The following NBEA variants were observed in gnomAD, a reference collection of about 807,000 sequenced individuals.
NBEA encodes neurobeachin, also known as lysosomal-trafficking regulator 2.
Under a neutral mutation model 343.4 loss-of-function variants are expected in NBEA, and 44 were observed. The ratio of observed to expected loss-of-function variants is 0.13; its 90% confidence interval spans 0.10 to 0.16. NBEA has a LOEUF of 0.16. NBEA is among the 10% of genes least tolerant of loss of function. The pLI is 1.00. For synonymous variants in NBEA, 1,175 were observed against 1,238.7 expected (o/e 0.95, Z 1.08); for missense variants, 2,555 against 3,631.3 (o/e 0.70, Z 7.62).
At chr13:35,344,513 T>G (rs2039764228) in intron 36 of NBEA, among the ~76,000 whole-genome samples, 2 of 151,938 alleles carry the variant, frequency 1.3e-5, no homozygotes, top group South Asian at 4.1e-4. Context: ...GAGCAAACTC[T>G]TCTAAGATTG....
In NBEA at chr13:35,608,467, T is replaced by C. The variant is rs114564755; in HGVS notation, c.7449+1889T>C. On this transcript the variant is annotated intron_variant, in intron 48 of 58. Transcript: ENST00000379939. The stretch of plus-strand genomic sequence containing the variant: ...TTATCTGTAAATATCAGTGTAAGGA[T>C]ACCAGCGCTACAAATGGAACCCTAA... Among the ~76,000 whole-genome samples the C allele has an allele frequency of 3.8e-3, 580 of 152,294 alleles. 1 individual carries two copies. The highest frequency in any genetic ancestry group is 0.013 in the African/African-American group (547 of 41,552).
intron 30 of NBEA, among the ~76,000 whole-genome samples, chr13:35,192,524 C>A (rs1593686783): frequency 6.6e-6 from 1 of 151,984 alleles, no homozygotes; most frequent in East Asian, 1.9e-4. Context: ...ATTCTTTTAT[C>A]AGCCTCAATA....
intron 41 of NBEA, among the ~76,000 whole-genome samples, chr13:35,548,510 C>T (rs2079166513): frequency 6.6e-6 from 1 of 152,094 alleles, no homozygotes; most frequent in Admixed American, 6.5e-5. Context: ...TGACATAATG[C>T]TATGGGTATA....
intron 11 of NBEA, among the ~76,000 whole-genome samples, chr13:35,105,385 C>T (rs1037957456): frequency 5.3e-5 from 8 of 151,934 alleles, no homozygotes; most frequent in African/African-American, 1.9e-4. Context: ...GCTGGGTTAT[C>T]TAAGTCTCAA....
chr13:35,039,598 A>G (rs1203764343), intron 1 of NBEA, among the ~76,000 whole-genome samples: 1 of 152,174 alleles, frequency 6.6e-6, no homozygotes, highest in African/African-American at 2.4e-5. Context: ...ATGATTCCTT[A>G]TCTGTAAAAT....
chr13:35,619,468 G>A (rs1440655908), intron 48 of NBEA, among the ~76,000 whole-genome samples: 2 of 152,086 alleles, frequency 1.3e-5, no homozygotes, highest in African/African-American at 4.8e-5. Context: ...CAAAAAACCT[G>A]CTGTTTATAT....
intron 22 of NBEA, among the ~76,000 whole-genome samples, chr13:35,160,797 G>T (rs542971535): frequency 2.6e-4 from 39 of 152,130 alleles, no homozygotes; most frequent in Non-Finnish European, 5.1e-4. Context: ...TGAGCTCTGA[G>T]TTATGACTGT....
At chr13:35,523,868 C>T (rs899937391) in intron 41 of NBEA, among the ~76,000 whole-genome samples, 1 of 151,828 alleles carries the variant, frequency 6.6e-6, no homozygotes, top group African/African-American at 2.4e-5. Flanking sequence ...CTATATTTCC[C>T]TCTGCTTTTT....
At chr13:35,112,217 C>A (rs1478055334) in intron 13 of NBEA, among the ~76,000 whole-genome samples, 3 of 152,040 alleles carry the variant, frequency 2.0e-5, no homozygotes, top group East Asian at 3.9e-4. Context: ...ACTTTTATTT[C>A]TTTTTATTAA....
intron 46 of NBEA, among the ~76,000 whole-genome samples, chr13:35,591,333 G>A (rs2081530439): frequency 6.6e-6 from 1 of 151,778 alleles, no homozygotes; most frequent in Non-Finnish European, 1.5e-5. Flanking sequence ...ATATAATTTA[G>A]TGACAGATAT....
At chr13:35,614,855 T>C (rs2082666748) in intron 48 of NBEA, among the ~76,000 whole-genome samples, 1 of 152,102 alleles carries the variant, frequency 6.6e-6, no homozygotes, top group Non-Finnish European at 1.5e-5. Context: ...ATGGATACCC[T>C]AATCTTAGCC....
chr13:35,570,282 C>T (rs1387101346), intron 45 of NBEA, among the ~76,000 whole-genome samples: 1 of 152,244 alleles, frequency 6.6e-6, no homozygotes, highest in Admixed American at 6.5e-5. Flanking sequence ...GATCTACCCA[C>T]CTCAGCCTCC....
At chr13:35,214,223 T>A (rs1220819587) in intron 33 of NBEA, among the ~76,000 whole-genome samples, 6 of 151,978 alleles carry the variant, frequency 3.9e-5, no homozygotes, top group African/African-American at 1.4e-4. Flanking sequence ...AAAACACGTC[T>A]TGGTGTGGAC....
Position 35,139,698 on chromosome 13 carries a change from A to T in NBEA, c.2337-2571A>T, listed in dbSNP as rs141337189. ...GTCCTATAAGGAACAAAATCATGTG[A>T]TGTACAGGGCCAGTGCACCATTTCC... On this transcript the variant is annotated intron_variant, in intron 17 of 58. Coordinates refer to ENST00000379939, the MANE Select transcript of NBEA (RefSeq NM_001385012.1). Among the ~76,000 whole-genome samples, 481 of 139,898 alleles carry T rather than the reference A, an allele frequency of 3.4e-3. 2 individuals are homozygous for T. The highest frequency in any genetic ancestry group is 0.012 in the African/African-American group (456 of 36,888). 91.8% of individuals were successfully genotyped at this position (139,898 alleles called of 152,430 possible).
chr13:35,177,699 A>G (rs967320698), intron 28 of NBEA, among the ~76,000 whole-genome samples: 2 of 149,068 alleles, frequency 1.3e-5, no homozygotes, highest in Admixed American at 1.3e-4. Flanking sequence ...ATAGAAACAT[A>G]TATGGTGTTT....
intron 1 of NBEA, among the ~76,000 whole-genome samples, chr13:34,973,982 A>G (rs2060084042): frequency 6.6e-6 from 1 of 152,168 alleles, no homozygotes; most frequent in Non-Finnish European, 1.5e-5. Flanking sequence ...TCTTTGTGTC[A>G]GACTGAAGGC....
At chr13:34,971,142 G>C (rs927377201) in intron 1 of NBEA, among the ~76,000 whole-genome samples, 2 of 152,062 alleles carry the variant, frequency 1.3e-5, no homozygotes, top group Non-Finnish European at 2.9e-5. Context: ...TGGCAATTGT[G>C]AGTGGGAGTT....
chr13:35,285,594 T>C (rs1009483943), intron 34 of NBEA, among the ~76,000 whole-genome samples: 6 of 152,152 alleles, frequency 3.9e-5, no homozygotes, highest in Non-Finnish European at 8.8e-5. Flanking sequence ...CTGTCCCAAA[T>C]AGTTGTTAAA....
At chr13:35,383,784 T>A (rs1158110791) in intron 38 of NBEA, among the ~76,000 whole-genome samples, 1 of 152,058 alleles carries the variant, frequency 6.6e-6, no homozygotes, top group Non-Finnish European at 1.5e-5. Context: ...TTGACCTCGA[T>A]GACAGGAATA....
Sources: gnomAD v4.1 joint callset for allele counts (sites outside exome capture counted in the v4.1 genomes callset) on GRCh38, gnomAD v4.1.1 for gene constraint, MANE v1.5 for transcripts, NCBI Gene and HGNC (gene_info 2026-07-23, HGNC 2026-07-21) for gene names.